Variants in VPS35L observed in about 807,000 individuals in gnomAD.
VPS35L encodes VPS35 endosomal protein-sorting factor-like.
In VPS35L, 83 loss-of-function variants were observed where a neutral mutation model predicts 133.0. The ratio of observed to expected loss-of-function variants is 0.62; its 90% CI spans 0.52 to 0.75. The LOEUF (loss-of-function observed/expected upper bound fraction) is 0.75. Ranked by LOEUF, VPS35L falls within the 30% of genes least tolerant of loss-of-function variation. The pLI, the probability that VPS35L is intolerant of heterozygous loss-of-function variation, is 0.00. For synonymous variants in VPS35L, 423 were observed against 449.9 expected (o/e 0.94, Z 0.76); for missense variants, 1,083 against 1,206.8 (o/e 0.90, Z 1.52).
chr16:19,590,267 G>A (rs1972005340), intron 7 of VPS35L, among the ~76,000 whole-genome samples: 1 of 150,906 alleles, frequency 6.6e-6, no homozygotes, highest in Non-Finnish European at 1.5e-5. Flanking sequence ...TTAGATGTTG[G>A]GTAACAACAC....
chr16:19,598,268 T>C (rs114444), intron 8 of VPS35L, among the ~76,000 whole-genome samples: 101,797 of 152,074 alleles, frequency 0.67, 35,425 homozygotes, highest in African/African-American at 0.86. Context: ...TTAAAGTAAA[T>C]GACCTTGAAT....
At chr16:19,676,924 A>G (rs1387673460) in intron 27 of VPS35L, among the ~76,000 whole-genome samples, 1 of 152,220 alleles carries the variant, frequency 6.6e-6, no homozygotes, top group Non-Finnish European at 1.5e-5. Context: ...ACTACTGATT[A>G]GTGCTGGAAA....
chr16:19,631,834 G>A (rs61208080), intron 18 of VPS35L, among the ~76,000 whole-genome samples: 7,730 of 151,952 alleles, frequency 0.051, 643 homozygotes, highest in African/African-American at 0.17. Flanking sequence ...TCAGCCTCCC[G>A]AGTGGCTGGG....
At chr16:19,601,820 T>C (rs1972393347) in intron 9 of VPS35L, 97 bp downstream of exon 9, 2 of 1,294,022 alleles carry the variant, frequency 1.5e-6, no homozygotes, top group Non-Finnish European at 2.2e-6. Context: ...GATAAAGGTT[T>C]TAATTTTGGG....
Position 19,627,810 on chromosome 16 carries a change from G to C in VPS35L, c.1383+5G>C. ...GATGAATCTGGTTTCCCCAAGGTAG[G>C]CTCTTGACTTCATGCTCAGTAGGAC... is the stretch of plus-strand genomic sequence containing the variant. On this transcript the variant is annotated splice_donor_5th_base_variant and intron_variant, in intron 16 of 30. Coordinates refer to ENST00000417362, the MANE Select transcript of VPS35L (RefSeq NM_020314.7). 6.3e-7 allele frequency: 1 copy of C among 1,586,808 alleles called. No homozygotes were observed. Among genetic ancestry groups the C allele is most frequent in the Non-Finnish European group, 8.7e-7 (1 of 1,155,212 alleles).
At chr16:19,601,335 C>T (rs1327394961) in intron 8 of VPS35L, among the ~76,000 whole-genome samples, 1 of 152,172 alleles carries the variant, frequency 6.6e-6, no homozygotes, top group Non-Finnish European at 1.5e-5. Context: ...AGGCTGGATT[C>T]AGCCCGTGGG....
intron 9 of VPS35L, among the ~76,000 whole-genome samples, chr16:19,603,111 G>A (rs1211711601): frequency 6.6e-6 from 1 of 152,130 alleles, no homozygotes; most frequent in Non-Finnish European, 1.5e-5. Context: ...GAAAGAAAGA[G>A]ACAGAACTCA....
At chr16:19,642,660 G>C (rs1361784998) in intron 22 of VPS35L, among the ~76,000 whole-genome samples, 184 bp downstream of exon 22, 5 of 152,212 alleles carry the variant, frequency 3.3e-5, no homozygotes, top group Non-Finnish European at 5.9e-5. Flanking sequence ...TAACCTTCTT[G>C]AGAAAGCGAC....
intron 11 of VPS35L, among the ~76,000 whole-genome samples, chr16:19,609,437 C>T (rs867283209): frequency 2.0e-5 from 3 of 152,258 alleles, no homozygotes; most frequent in South Asian, 2.1e-4. Flanking sequence ...TCACCCCTGG[C>T]ACACGGTGGG....
chr16:19,623,649 G>A (rs1284905394), intron 14 of VPS35L, among the ~76,000 whole-genome samples: 1 of 151,962 alleles, frequency 6.6e-6, no homozygotes, highest in Non-Finnish European at 1.5e-5. Context: ...ACAGAGAGGG[G>A]TGCCACCAGA....
intron 26 of VPS35L, among the ~76,000 whole-genome samples, chr16:19,653,175 T>C (rs1419483316): frequency 6.6e-6 from 1 of 152,158 alleles, no homozygotes; most frequent in East Asian, 1.9e-4. Flanking sequence ...CCTGGCATTC[T>C]GGCCTGCTCC....
chr16:19,590,571 G>A (rs541352998), intron 7 of VPS35L, among the ~76,000 whole-genome samples: 21 of 152,210 alleles, frequency 1.4e-4, no homozygotes, highest in African/African-American at 4.1e-4. Context: ...ATAATCAAAG[G>A]TGTTTGGGGC....
chr16:19,664,957 A>C (rs1341519438), intron 26 of VPS35L, among the ~76,000 whole-genome samples: 1 of 151,896 alleles, frequency 6.6e-6, no homozygotes, highest in East Asian at 1.9e-4. Context: ...GACTTGGATG[A>C]AGGAAGCCTA....
intron 26 of VPS35L, among the ~76,000 whole-genome samples, chr16:19,666,983 T>TTTCTTCCTTTCTTCCTTTCTTC (rs1567470725): frequency 6.0e-5 from 6 of 100,836 alleles, no homozygotes; most frequent in African/African-American, 2.9e-4. Context: ...TTCCTTTCTT[T>TTTCTTCCTTTCTTCCTTTCTTC]CTTTCTTTCT....
chr16:19,638,283 G>A (rs747573617), intron 20 of VPS35L, among the ~76,000 whole-genome samples: 1 of 151,948 alleles, frequency 6.6e-6, no homozygotes, highest in Non-Finnish European at 1.5e-5. Context: ...ATATTTATTC[G>A]ACATATACCA....
intron 29 of VPS35L, among the ~76,000 whole-genome samples, chr16:19,693,862 G>C (rs73541409): frequency 0.12 from 17,772 of 149,548 alleles, 1,742 homozygotes; most frequent in African/African-American, 0.25. Context: ...GGCGGGAATT[G>C]AAGGCTGCGG....
chr16:19,699,784 T>A lies in VPS35L; in HGVS notation c.2793+136T>A. 1 of 1,183,318 alleles carries A rather than the reference T, an allele frequency of 8.5e-7. No homozygotes were observed. The highest frequency in any genetic ancestry group is 1.2e-6 in the Non-Finnish European group (1 of 845,342). 73.3% of individuals were successfully genotyped at this position (1,183,318 alleles called of 1,614,324 possible). A position where few individuals can be genotyped will look rare whatever the true frequency, so the allele number is the denominator to read the frequency against. ...AGAAAAGCACTTGGTCCATTTCTACTGGATCACTTCCTAGCAGTAAAAAGC... is the reference window on the plus strand; with the variant it reads ...AGAAAAGCACTTGGTCCATTTCTACAGGATCACTTCCTAGCAGTAAAAAGC... On this transcript the variant is annotated intron_variant, in intron 30 of 30. Coordinates refer to ENST00000417362, the MANE Select transcript of VPS35L (RefSeq NM_020314.7). This position sits in a 1 kb window ranked among gnomAD's most constrained non-coding sequence, Gnocchi z 4.2.
At chr16:19,684,825 C>T (rs1011316878) in intron 28 of VPS35L, among the ~76,000 whole-genome samples, 44 of 152,046 alleles carry the variant, frequency 2.9e-4, no homozygotes, top group African/African-American at 9.9e-4. Context: ...GGGGGGCAGA[C>T]GCAGGCGGAT....
chr16:19,651,864 G>A, intron 25 of VPS35L, 112 bp from the exon 26 acceptor site: 1 of 793,550 alleles, frequency 1.3e-6, no homozygotes, highest in Non-Finnish European at 2.1e-6. Context: ...CTCAGAATGT[G>A]GAGATTCACT....
Sources: gnomAD v4.1 joint callset for allele counts (sites outside exome capture counted in the v4.1 genomes callset) on GRCh38, gnomAD v4.1.1 for gene constraint, Gnocchi (gnomAD v3.1) non-coding constraint, MANE v1.5 for transcripts, NCBI Gene and HGNC (gene_info 2026-07-23, HGNC 2026-07-21) for gene names.